Variants in DYNC1LI1 observed in about 807,000 individuals in gnomAD.
DYNC1LI1 encodes dynein cytoplasmic 1 light intermediate chain 1.
DYNC1LI1 carries 19 observed loss-of-function variants against 63.8 expected under a neutral mutation model. That is an observed-to-expected ratio of 0.30 (90% CI 0.21 to 0.44). The LOEUF is 0.44. Among genes scored for constraint, DYNC1LI1 ranks in the 20% least tolerant of loss-of-function variants. The pLI, the probability that DYNC1LI1 is intolerant of heterozygous loss-of-function variation, is 1.00. For missense variants in DYNC1LI1, 565 were observed against 630.2 expected, an observed-to-expected ratio of 0.90 and a Z score of 1.11; for synonymous variants, 225 against 232.3, an observed-to-expected ratio of 0.97 and a Z score of 0.28.
chr3:32,548,033 T>A (rs1275156829), intron 2 of DYNC1LI1, among the ~76,000 whole-genome samples: 1 of 152,030 alleles, frequency 6.6e-6, no homozygotes, highest in Non-Finnish European at 1.5e-5. Context: ...TACACACACA[T>A]ACTCGCAATG....
intron 6 of DYNC1LI1, 132 bp from the exon 7 acceptor site, chr3:32,534,778 G>T: frequency 1.7e-6 from 1 of 606,000 alleles, no homozygotes; most frequent in Non-Finnish European, 2.6e-6. Flanking sequence ...ATATTATATG[G>T]TAATCAAGAA....
intron 6 of DYNC1LI1, among the ~76,000 whole-genome samples, chr3:32,535,776 T>C (rs1181014850): frequency 2.6e-5 from 4 of 152,220 alleles, no homozygotes; most frequent in Admixed American, 2.6e-4. Flanking sequence ...CTCATTATCT[T>C]GAGATGACTT....
chr3:32,543,444 G>A (rs542374412), intron 4 of DYNC1LI1, among the ~76,000 whole-genome samples: 7 of 143,012 alleles, frequency 4.9e-5, no homozygotes, highest in Admixed American at 2.9e-4. Context: ...CTGTCGCCCA[G>A]GCTGGAGTAC....
intron 2 of DYNC1LI1, among the ~76,000 whole-genome samples, chr3:32,549,835 A>C (rs909616186): frequency 7.9e-5 from 12 of 152,222 alleles, no homozygotes; most frequent in African/African-American, 2.7e-4. Context: ...AGACACCTTC[A>C]TAAGGGTAAA....
intron 5 of DYNC1LI1, among the ~76,000 whole-genome samples, chr3:32,539,234 G>A (rs1697844103): frequency 6.6e-6 from 1 of 152,118 alleles, no homozygotes; most frequent in South Asian, 2.1e-4. Flanking sequence ...TTTGAAAGCA[G>A]ATGGCAGACT....
At chr3:32,545,992 T>C (rs928917243) in intron 2 of DYNC1LI1, 27 bp from the exon 3 acceptor site, 1 of 1,427,632 alleles carries the variant, frequency 7.0e-7, no homozygotes, top group African/African-American at 1.4e-5. Flanking sequence ...AGGATAAATC[T>C]TATAAATTAT....
At chr3:32,564,196 C>A (rs994775203) in intron 2 of DYNC1LI1, among the ~76,000 whole-genome samples, 1 of 152,158 alleles carries the variant, frequency 6.6e-6, no homozygotes, top group African/African-American at 2.4e-5. Flanking sequence ...CCTGTATATT[C>A]CCAGTTACTT....
Position 32,534,530 on chromosome 3 carries a change from C to A in DYNC1LI1, c.949G>T (p.Glu317Ter). Residue 317 changes from glutamate (E) to a stop codon, truncating the protein, a stop_gained, in exon 7 of 13, where the codon GAA becomes TAA. Coordinates refer to ENST00000273130, the MANE Select transcript of DYNC1LI1 (RefSeq NM_016141.4). LOFTEE classifies it high-confidence loss of function. ...ACTTACATAAATACTGCATCCTTTT[C>A]CACAACAACAGCAGGAATCTTATAG... is the stretch of plus-strand genomic sequence containing the variant. Reference protein sequence around the residue: ...FPYKIPAVVVEKDAVFIPAGW... With the variant: ...FPYKIPAVVV 6.3e-7 allele frequency: 1 copy of A among 1,589,540 alleles called. No individual in the cohort carries two copies. The highest frequency in any genetic ancestry group is 8.6e-7 in the Non-Finnish European group (1 of 1,163,034).
chr3:32,546,875 A>G (rs1697962275), intron 2 of DYNC1LI1, among the ~76,000 whole-genome samples: 1 of 152,200 alleles, frequency 6.6e-6, no homozygotes, highest in Non-Finnish European at 1.5e-5. Context: ...AAAATTAAAA[A>G]TAGACTTAAA....
chr3:32,529,631 G>C lies in DYNC1LI1; in HGVS notation c.1215C>G (p.Ser405=). The C allele has an allele frequency of 6.2e-7, 1 of 1,608,502 alleles. No individual in the cohort carries two copies. Among genetic ancestry groups the C allele is most frequent in the South Asian group, 1.1e-5 (1 of 90,416 alleles). The change falls in exon 11 of 13, where the codon TCC becomes TCG. Residue 405 remains serine (S), a synonymous_variant. Transcript: ENST00000273130. ...ATACAGATCTATTTGGTGTTCGTGG[G>C]GAGCCTCCTGGGACTCTTGGTGAGG... is the stretch of plus-strand genomic sequence containing the variant. The part of the protein sequence containing the change: ...VDASPRVPGG[S]PRTPNRSVSS...
chr3:32,564,637 T>C (rs1391979793), intron 2 of DYNC1LI1, among the ~76,000 whole-genome samples: 3 of 152,218 alleles, frequency 2.0e-5, no homozygotes, highest in African/African-American at 7.2e-5. Flanking sequence ...TTTTTAGTAG[T>C]AGTAACATAT....
chr3:32,567,641 T>G lies in DYNC1LI1; in HGVS notation c.220+2705A>C, dbSNP rs149889696. On this transcript the variant is annotated intron_variant, in intron 2 of 12. Coordinates refer to ENST00000273130, the MANE Select transcript of DYNC1LI1 (RefSeq NM_016141.4). The stretch of plus-strand genomic sequence containing the variant: ...GCAACTTCTGCCTCCAGGGCTCAAG[T>G]TGTCCCTCCACCTTAGCCTCCTGAG... Among the ~76,000 whole-genome samples the G allele has an allele frequency of 5.3e-3, 806 of 151,228 alleles. 13 individuals are homozygous for G. The highest frequency in any genetic ancestry group is 0.018 in the African/African-American group (760 of 41,160).
intron 7 of DYNC1LI1, among the ~76,000 whole-genome samples, chr3:32,533,458 C>T (rs551746163): frequency 6.6e-6 from 1 of 151,962 alleles, no homozygotes; most frequent in South Asian, 2.1e-4. Context: ...GGATGGGCAA[C>T]AGGAGTGAGA....
intron 6 of DYNC1LI1, among the ~76,000 whole-genome samples, chr3:32,536,734 T>C (rs1697779241): frequency 6.6e-6 from 1 of 152,232 alleles, no homozygotes. Context: ...CATAACTACA[T>C]ACAGCTTACT....
intron 4 of DYNC1LI1, 78 bp from the exon 5 acceptor site, chr3:32,541,284 A>T: frequency 1.1e-6 from 1 of 898,290 alleles, no homozygotes; most frequent in Non-Finnish European, 1.7e-6. Context: ...CTAAAGATAA[A>T]ATTTACTCGA....
At position 32,559,249 on chromosome 3, in the gene DYNC1LI1, G is replaced by T. The variant is rs75613322; in HGVS notation, c.220+11097C>A. ...TAAAACTCATATATATATAGTTTTT[G>T]TGTGTGTGTGTGAGACAGGGCAACT... On this transcript the variant is annotated intron_variant, in intron 2 of 12. Transcript: ENST00000273130. Among the ~76,000 whole-genome samples, 754 of 151,538 alleles carry T rather than the reference G, an allele frequency of 5.0e-3. 7 individuals carry two copies. The highest frequency in any genetic ancestry group is 0.017 in the African/African-American group (706 of 41,302).
In DYNC1LI1 at chr3:32,537,059, C is replaced by T; in HGVS notation, c.784G>A (p.Glu262Lys). The change falls in exon 6 of 13, where the codon GAA becomes AAA. Residue 262 changes from glutamate to lysine, a missense_variant. By Grantham distance (56) the Glu-to-Lys change is moderately conservative (BLOSUM62 1). Coordinates refer to ENST00000273130, the MANE Select transcript of DYNC1LI1 (RefSeq NM_016141.4). ...TGTGACTGAATAAAATCAAAATGTT[C>T]ATCTCTGTAGTCATGTTCTTTCTCC... ...VLEKEHDYRD[E>K]HFDFIQSHIR... The T allele has an allele frequency of 6.2e-7, 1 of 1,600,760 alleles. No homozygotes were observed. Among genetic ancestry groups the T allele is most frequent in the Non-Finnish European group, 8.5e-7 (1 of 1,174,738 alleles).
intron 6 of DYNC1LI1, 146 bp downstream of exon 6, chr3:32,536,865 G>C (rs1235334737): frequency 3.6e-6 from 2 of 552,474 alleles, no homozygotes; most frequent in South Asian, 2.4e-5. Context: ...TAAATAATTT[G>C]GGAACTAAAA....
intron 8 of DYNC1LI1, 26 bp downstream of exon 8, chr3:32,532,960 T>C (rs377415800): frequency 5.4e-5 from 84 of 1,554,074 alleles, no homozygotes; most frequent in Non-Finnish European, 7.1e-5. Flanking sequence ...AGTCTAAATA[T>C]TGAGATTATT....
Sources: gnomAD v4.1 joint callset for allele counts (sites outside exome capture counted in the v4.1 genomes callset) on GRCh38, gnomAD v4.1.1 for gene constraint, MANE v1.5 for transcripts, NCBI Gene and HGNC (gene_info 2026-07-23, HGNC 2026-07-21) for gene names.